The following EFTUD2 variants were observed in gnomAD, a reference collection of about 807,000 sequenced individuals.
EFTUD2 encodes the protein 116 kDa U5 small nuclear ribonucleoprotein component.
A neutral mutation model predicts 114.3 loss-of-function variants in EFTUD2; 9 were observed. That is an observed-to-expected ratio of 0.08 (90% confidence interval 0.05 to 0.14). EFTUD2 has a LOEUF of 0.14. Ranked by LOEUF, EFTUD2 falls within the 10% of genes least tolerant of loss-of-function variation. The probability of loss-of-function intolerance (pLI) is 1.00; values close to 1 mark genes in which losing one functional copy is unlikely to be tolerated. For synonymous variants in EFTUD2, 449 were observed against 462.3 expected, an observed-to-expected ratio of 0.97 and a Z score of 0.37; for missense variants, 765 against 1,241.2, an observed-to-expected ratio of 0.62 and a Z score of 5.76.
chr17:44,876,876 A>AAAAAC (rs1453812241), intron 9 of EFTUD2, among the ~76,000 whole-genome samples: 2 of 144,770 alleles, frequency 1.4e-5, no homozygotes, highest in Non-Finnish European at 1.5e-5. Context: ...AAAAAAAAAA[A>AAAAAC]AAAAACTACT....
At chr17:44,892,485 T>C (rs1010542930) in intron 2 of EFTUD2, among the ~76,000 whole-genome samples, 1 of 152,172 alleles carries the variant, frequency 6.6e-6, no homozygotes, top group African/African-American at 2.4e-5. Flanking sequence ...CATGTTCTTT[T>C]CACTAGGACA....
chr17:44,865,123 G>C, intron 13 of EFTUD2, 58 bp from the exon 14 acceptor site: 1 of 1,591,814 alleles, frequency 6.3e-7, no homozygotes, highest in African/African-American at 1.3e-5. Context: ...TGGTGCTAGA[G>C]GGAGACAAGG....
chr17:44,884,027 G>C (rs546447014), intron 4 of EFTUD2: 1 of 339,086 alleles, frequency 2.9e-6, no homozygotes, highest in African/African-American at 2.1e-5. Context: ...AGCACTTTGG[G>C]AGGCCGAGGT....
chr17:44,888,363 C>T (rs2051213921), intron 2 of EFTUD2, among the ~76,000 whole-genome samples: 1 of 152,144 alleles, frequency 6.6e-6, no homozygotes, highest in African/African-American at 2.4e-5. Flanking sequence ...CACACAGAGT[C>T]CTCACAGAAA....
At chr17:44,894,301 T>C in intron 2 of EFTUD2, 116 bp downstream of exon 2, 1 of 798,286 alleles carries the variant, frequency 1.3e-6, no homozygotes. Context: ...GCCCAGGAGG[T>C]GGAGGTTGCA....
intron 16 of EFTUD2, among the ~76,000 whole-genome samples, chr17:44,861,557 C>T (rs540527545): frequency 6.1e-4 from 93 of 151,302 alleles, no homozygotes; most frequent in Non-Finnish European, 7.2e-4. Flanking sequence ...TACGGTGAAA[C>T]CTGTCTCTAC....
chr17:44,879,239 C>T (rs949315454), intron 9 of EFTUD2, among the ~76,000 whole-genome samples: 32 of 152,238 alleles, frequency 2.1e-4, no homozygotes, highest in Middle Eastern at 3.4e-3. Flanking sequence ...GCATGGGTCA[C>T]CACACCTGGC....
chr17:44,869,048 C>A (rs901995265), intron 11 of EFTUD2, among the ~76,000 whole-genome samples: 6 of 152,200 alleles, frequency 3.9e-5, no homozygotes, highest in African/African-American at 1.4e-4. Flanking sequence ...CAGACTGTCC[C>A]CTCACCTTGT....
chr17:44,881,707 T>C lies in EFTUD2; in HGVS notation c.508A>G (p.Ile170Val), dbSNP rs976124486. ...CTTACCTCTTGCTCTGTGAAGAGGA[T>C]GTCAGTATAGCACAGCTGAAAAAAA... ...RYDQDLCYTD[I>V]LFTEQERGVG... Residue 170 changes from isoleucine (I) to valine (V), a missense_variant, in exon 7 of 28, where the codon ATC (isoleucine) becomes GTC (valine). Around this residue, in one of 6 missense-constraint regions of EFTUD2, gnomAD observed 251 missense variants for 357.7 expected, o/e 0.70. Coordinates refer to ENST00000426333, the MANE Select transcript of EFTUD2 (RefSeq NM_004247.4). The C allele has an allele frequency of 6.2e-7, 1 of 1,614,174 alleles. No homozygotes were observed. Among genetic ancestry groups the C allele is most frequent in the Non-Finnish European group, 8.5e-7 (1 of 1,180,028 alleles).
intron 19 of EFTUD2, 39 bp from the exon 20 acceptor site, chr17:44,857,196 T>C: frequency 6.3e-7 from 1 of 1,593,676 alleles, no homozygotes; most frequent in Non-Finnish European, 8.6e-7. Context: ...CGAGGTCTAA[T>C]TTTGTTGGAA....
intron 10 of EFTUD2, among the ~76,000 whole-genome samples, chr17:44,875,253 G>A (rs545865046): frequency 5.4e-4 from 82 of 152,084 alleles, no homozygotes; most frequent in African/African-American, 1.4e-3. Context: ...AAAATTGGCC[G>A]GGGGTGGTGG....
chr17:44,867,407 C>A (rs1377678903), intron 13 of EFTUD2, among the ~76,000 whole-genome samples: 1 of 148,080 alleles, frequency 6.8e-6, no homozygotes, highest in Non-Finnish European at 1.5e-5. Context: ...TCAAGCAATT[C>A]TCTTGCCTTA....
intron 9 of EFTUD2, among the ~76,000 whole-genome samples, chr17:44,877,240 G>C (rs1173378547): frequency 6.6e-6 from 1 of 151,866 alleles, no homozygotes; most frequent in African/African-American, 2.4e-5. Flanking sequence ...AGAAATGGCT[G>C]AGTCCAGGAT....
chr17:44,876,801 C>G (rs2050959723), intron 9 of EFTUD2, among the ~76,000 whole-genome samples: 2 of 128,386 alleles, frequency 1.6e-5, no homozygotes, highest in South Asian at 5.1e-4. Context: ...TGCAGTGAGC[C>G]AAGATCGCAC....
intron 20 of EFTUD2, among the ~76,000 whole-genome samples, chr17:44,856,773 CAA>C (rs1179153857): frequency 7.1e-6 from 1 of 141,112 alleles, no homozygotes; most frequent in Non-Finnish European, 1.5e-5. Context: ...AAAAAAAAAA[CAA>C]AAAAACAAAA....
intron 11 of EFTUD2, among the ~76,000 whole-genome samples, chr17:44,869,089 C>T (rs535094390): frequency 4.6e-5 from 7 of 152,238 alleles, no homozygotes; most frequent in Admixed American, 1.3e-4. Flanking sequence ...TGGCTTTTCC[C>T]GAAAGTCACA....
intron 10 of EFTUD2, among the ~76,000 whole-genome samples, chr17:44,875,346 C>A (rs928285304): frequency 1.3e-5 from 2 of 152,068 alleles, no homozygotes; most frequent in Non-Finnish European, 2.9e-5. Context: ...CTGGCTAACA[C>A]AGTGAAACCC....
intron 8 of EFTUD2, among the ~76,000 whole-genome samples, chr17:44,879,851 G>A (rs944409918): frequency 1.4e-4 from 21 of 151,972 alleles, no homozygotes; most frequent in Admixed American, 1.2e-3. Flanking sequence ...TAAAAAGAGG[G>A]ACTCCTGGGA....
chr17:44,886,763 G>T lies in EFTUD2; in HGVS notation c.106-13C>A. The T allele has an allele frequency of 6.2e-7, 1 of 1,610,360 alleles. No individual in the cohort carries two copies. Among genetic ancestry groups the T allele is most frequent in the African/African-American group, 1.3e-5 (1 of 74,970 alleles). On this transcript the variant is annotated splice_polypyrimidine_tract_variant and intron_variant, in intron 2 of 27. Coordinates refer to ENST00000426333, the MANE Select transcript of EFTUD2 (RefSeq NM_004247.4). ...CATCATCATCCATCTGAAAGCAAGAGGGAGAGGGAGAATCGAAGAGGCACA... is the reference window on the plus strand; with the variant it reads ...CATCATCATCCATCTGAAAGCAAGATGGAGAGGGAGAATCGAAGAGGCACA...
Sources: gnomAD v4.1 joint callset for allele counts (sites outside exome capture counted in the v4.1 genomes callset) on GRCh38, gnomAD v4.1.1 for gene constraint, gnomAD v4.1.1 regional missense constraint, MANE v1.5 for transcripts, NCBI Gene and HGNC (gene_info 2026-07-23, HGNC 2026-07-21) for gene names.